The following UNC13C variants were observed in gnomAD, a reference collection of about 807,000 sequenced individuals.
UNC13C encodes the protein protein unc-13 homolog C.
A neutral mutation model predicts 245.4 loss-of-function variants in UNC13C; 174 were observed. That is an observed-to-expected ratio of 0.71 (90% CI 0.63 to 0.80). The LOEUF is 0.80. UNC13C is among the 30% of genes least tolerant of loss of function. UNC13C has a pLI of 0.00. For missense variants in UNC13C, 2,829 were observed against 2,602.9 expected (o/e 1.09, Z -1.89); for synonymous variants, 992 against 895.1 (o/e 1.11, Z -1.93).
intron 2 of UNC13C, among the ~76,000 whole-genome samples, chr15:54,065,502 C>T (rs749723842): frequency 2.0e-5 from 3 of 152,178 alleles, no homozygotes; most frequent in Non-Finnish European, 4.4e-5. Context: ...TTGGTAAGCC[C>T]CTGTAAGAAA....
At chr15:54,362,099 C>G (rs913694708) in intron 17 of UNC13C, among the ~76,000 whole-genome samples, 2 of 152,172 alleles carry the variant, frequency 1.3e-5, no homozygotes, top group African/African-American at 4.8e-5. Context: ...ACTGTGGCAT[C>G]CATGCTGATT....
At chr15:54,233,349 A>G (rs923591309) in intron 4 of UNC13C, among the ~76,000 whole-genome samples, 4 of 151,878 alleles carry the variant, frequency 2.6e-5, no homozygotes, top group African/African-American at 7.3e-5. Flanking sequence ...CTTCACACGT[A>G]TTCTATTTCT....
chr15:54,264,465 A>G, intron 9 of UNC13C, 70 bp downstream of exon 9: 1 of 1,137,138 alleles, frequency 8.8e-7, no homozygotes, highest in Non-Finnish European at 1.3e-6. Flanking sequence ...AATAACTGCT[A>G]ATAATAATTA....
intron 2 of UNC13C, among the ~76,000 whole-genome samples, chr15:54,094,229 C>T (rs540124676): frequency 1.0e-3 from 152 of 152,244 alleles, no homozygotes; most frequent in Middle Eastern, 3.4e-3. Flanking sequence ...ACTTTCCTTC[C>T]GTGTGTCCTT....
chr15:54,529,188 G>A (rs952086877), intron 25 of UNC13C, among the ~76,000 whole-genome samples: 1 of 152,130 alleles, frequency 6.6e-6, no homozygotes, highest in Non-Finnish European at 1.5e-5. Flanking sequence ...CAAGAATTCA[G>A]GAGCCAAAAA....
chr15:54,255,008 G>A (rs977978236), intron 8 of UNC13C, among the ~76,000 whole-genome samples: 1 of 152,158 alleles, frequency 6.6e-6, no homozygotes, highest in Non-Finnish European at 1.5e-5. Flanking sequence ...CTTGCAGGGC[G>A]TGTGATGGGG....
intron 2 of UNC13C, among the ~76,000 whole-genome samples, chr15:54,096,856 G>C: frequency 6.6e-6 from 1 of 152,120 alleles, no homozygotes; most frequent in Non-Finnish European, 1.5e-5. Context: ...ATGTAAATAT[G>C]TTTTTAATAT....
At chr15:54,455,324 T>C (rs1891458192) in intron 19 of UNC13C, among the ~76,000 whole-genome samples, 1 of 149,510 alleles carries the variant, frequency 6.7e-6, no homozygotes, top group African/African-American at 2.5e-5. Flanking sequence ...TAAGTATGCA[T>C]GTGCAGTGTC....
chr15:54,281,355 T>C (rs1272919315), intron 10 of UNC13C, among the ~76,000 whole-genome samples: 1 of 152,194 alleles, frequency 6.6e-6, no homozygotes, highest in Non-Finnish European at 1.5e-5. Context: ...AGATTTATTA[T>C]CAAGACACAA....
At chr15:53,987,765 C>A (rs571230975) in intron 1 of UNC13C, among the ~76,000 whole-genome samples, 1 of 151,984 alleles carries the variant, frequency 6.6e-6, no homozygotes, top group African/African-American at 2.4e-5. Context: ...GATGTGACTG[C>A]GTTTACATTT....
At chr15:54,052,799 C>T (rs180754630) in intron 2 of UNC13C, among the ~76,000 whole-genome samples, 137 of 152,242 alleles carry the variant, frequency 9.0e-4, no homozygotes, top group Middle Eastern at 3.4e-3. Flanking sequence ...CTTGTCACCT[C>T]GAACAATGTC....
chr15:54,353,787 A>G (rs1260459441), intron 17 of UNC13C, among the ~76,000 whole-genome samples: 1 of 152,136 alleles, frequency 6.6e-6, no homozygotes, highest in African/African-American at 2.4e-5. Flanking sequence ...GCCATCCTCT[A>G]CCAGGCCTGT....
Position 54,027,675 on chromosome 15 carries a change from C to T in UNC13C, c.2983+11789C>T, listed in dbSNP as rs1896173137. Among the ~76,000 whole-genome samples, 2 of 152,104 alleles carry T rather than the reference C, an allele frequency of 1.3e-5. 1 individual carries two copies. Among genetic ancestry groups the T allele is most frequent in the South Asian group, 4.1e-4 (2 of 4,820 alleles). ...CGTAAGCCACAGTGCCTGGCCTCTC[C>T]CTGGGTTTTCTGTCTCAACAGATGG... On this transcript the variant is annotated intron_variant, in intron 2 of 32. Transcript: ENST00000260323.
chr15:54,499,669 A>G (rs1159804087), intron 20 of UNC13C, among the ~76,000 whole-genome samples: 1 of 152,162 alleles, frequency 6.6e-6, no homozygotes, highest in African/African-American at 2.4e-5. Flanking sequence ...ATCATAACTA[A>G]GGAGTCTGAG....
chr15:54,213,147 G>A lies in UNC13C; in HGVS notation c.3072-21883G>A, dbSNP rs113262064. ...TGTCTATATGCTTGTTTTTGCTTTA[G>A]TAAGAAGTGTTTTAAAAGATGAATA... On this transcript the variant is annotated intron_variant, in intron 4 of 32. Transcript: ENST00000260323. Among the ~76,000 whole-genome samples, 31 of 152,040 alleles carry A rather than the reference G, an allele frequency of 2.0e-4. 4 individuals carry two copies. Among genetic ancestry groups the A allele is most frequent in the African/African-American group, 7.2e-4 (30 of 41,500 alleles).
chr15:54,574,825 T>C (rs1405464431), intron 30 of UNC13C, among the ~76,000 whole-genome samples: 1 of 152,194 alleles, frequency 6.6e-6, no homozygotes, highest in Non-Finnish European at 1.5e-5. Flanking sequence ...TTAGATCATT[T>C]TGATCATTTT....
chr15:54,337,916 G>T (rs1466429760), intron 16 of UNC13C, among the ~76,000 whole-genome samples: 5 of 152,002 alleles, frequency 3.3e-5, no homozygotes, highest in Non-Finnish European at 7.4e-5. Flanking sequence ...CCATTGAAAC[G>T]CTTCCCATCC....
At chr15:54,382,236 T>C (rs923228233) in intron 17 of UNC13C, among the ~76,000 whole-genome samples, 1 of 152,106 alleles carries the variant, frequency 6.6e-6, no homozygotes, top group African/African-American at 2.4e-5. Context: ...CTGCAGGACA[T>C]AGCAAAAGCA....
At position 54,235,247 on chromosome 15, in the gene UNC13C, G is replaced by A. The variant is rs1392702330; in HGVS notation, c.3150+139G>A. ...TATATGAGGCCAGATGCTACCTGCT[G>A]TTATATTTATTATTATTTCTTTAAA... On this transcript the variant is annotated intron_variant, in intron 5 of 32. Coordinates refer to ENST00000260323, the MANE Select transcript of UNC13C (RefSeq NM_001080534.3). 17 of 588,920 alleles carry A rather than the reference G, an allele frequency of 2.9e-5. No homozygotes were observed. The East Asian group carries it at 4.9e-4, about 17-fold the overall frequency. The allele number at this position is 588,920 out of a possible 1,614,324, so 36.5% of individuals were successfully genotyped here.
Sources: allele counts gnomAD v4.1 joint callset (sites outside exome capture counted in the v4.1 genomes callset), GRCh38; gene constraint gnomAD v4.1.1; transcripts MANE v1.5; gene names NCBI Gene and HGNC (gene_info 2026-07-23, HGNC 2026-07-21).